The following PDCD11 variants were observed in gnomAD, a reference collection of about 807,000 sequenced individuals.
PDCD11 encodes the protein programmed cell death 11.
In PDCD11, 97 loss-of-function variants were observed where a neutral mutation model predicts 198.9. That is an observed-to-expected ratio of 0.49 (90% CI 0.41 to 0.58). PDCD11 has a LOEUF of 0.58. Among genes scored for constraint, PDCD11 ranks in the 20% least tolerant of loss-of-function variants. PDCD11 has a pLI of 0.00. For missense variants in PDCD11, 2,102 were observed against 2,312.7 expected (o/e 0.91, Z 1.87); for synonymous variants, 893 against 918.0 (o/e 0.97, Z 0.49).
In PDCD11 at chr10:103,421,560, C is replaced by T; in HGVS notation, c.2490C>T (p.Ser830=). 6.5e-7 allele frequency: 1 copy of T among 1,548,708 alleles called. No individual in the cohort carries two copies. The change falls in exon 17 of 36, where the codon AGC becomes AGT. Residue 830 remains serine (S), a synonymous_variant. Transcript: ENST00000369797. ...TGCAGGGCGTGCGCAGCCTTATGAG[C>T]AACCGAGGTGGGGCACCTGTGGGGC... ...EELQGVRSLM[S]NRDSVLIQTL...
intron 16 of PDCD11, 148 bp from the exon 17 acceptor site, chr10:103,421,200 G>C (rs1358696085): frequency 1.6e-6 from 1 of 621,196 alleles, no homozygotes; most frequent in East Asian, 2.8e-5. Flanking sequence ...TTTTATGGAA[G>C]GGAAGTAGAG....
In PDCD11 at chr10:103,436,032, T is replaced by C. The variant is rs1592138751; in HGVS notation, c.3845+1057T>C. On this transcript the variant is annotated intron_variant, in intron 25 of 35. Coordinates refer to ENST00000369797, the MANE Select transcript of PDCD11 (RefSeq NM_014976.2). Reference sequence around the variant, plus strand: ...AAAAATTGGTCTCTTGTTTTTTTCTTTTTTTTTTTTTTTGAGATAGAGTCT... The same window carrying C: ...AAAAATTGGTCTCTTGTTTTTTTCTCTTTTTTTTTTTTTGAGATAGAGTCT... Among the ~76,000 whole-genome samples, 3 of 139,954 alleles carry C rather than the reference T, an allele frequency of 2.1e-5. No individual in the cohort carries two copies. In the East Asian group the frequency reaches 6.5e-4, roughly 30 times the overall value. The allele number at this position is 139,954 out of a possible 152,430, so 91.8% of individuals were successfully genotyped here. A position where few individuals can be genotyped will look rare whatever the true frequency, so the allele number is the denominator to read the frequency against.
At chr10:103,444,744 C>T in intron 35 of PDCD11, 62 bp downstream of exon 35, 1 of 1,472,008 alleles carries the variant, frequency 6.8e-7, no homozygotes, top group Non-Finnish European at 9.5e-7. Context: ...GCACTGGTCC[C>T]ACAGCAGCTC....
chr10:103,397,694 G>A (rs1364086893), intron 1 of PDCD11, among the ~76,000 whole-genome samples: 2 of 152,192 alleles, frequency 1.3e-5, no homozygotes, highest in African/African-American at 4.8e-5. Context: ...TCGGGCTCCC[G>A]AAGTGCTGGC....
At chr10:103,400,857 T>C (rs1208908175) in intron 3 of PDCD11, among the ~76,000 whole-genome samples, 1 of 152,092 alleles carries the variant, frequency 6.6e-6, no homozygotes, top group East Asian at 1.9e-4. Context: ...TCAAGCAATC[T>C]TCCTGCCTCA....
intron 4 of PDCD11, among the ~76,000 whole-genome samples, chr10:103,404,022 TC>T (rs1244131359): frequency 2.6e-4 from 40 of 152,332 alleles, no homozygotes; most frequent in African/African-American, 9.4e-4. Flanking sequence ...AGAGTCTCAC[TC>T]TGTTGCCCAG....
At chr10:103,409,842 G>T (rs542160878) in intron 8 of PDCD11, 36 bp downstream of exon 8, 1 of 1,500,274 alleles carries the variant, frequency 6.7e-7, no homozygotes, top group Admixed American at 1.7e-5. Flanking sequence ...CTTGATTCCA[G>T]TTGTGGTCCA....
chr10:103,445,851 C>G lies in PDCD11; in HGVS notation c.*302C>G. ...AGGGTCCCTCTTCCAGGGGAGTTCC[C>G]TGGGGAGCAAGAGTAGAGGGGCTAT... On this transcript the variant is annotated 3_prime_UTR_variant, in exon 36 of 36. Coordinates refer to ENST00000369797, the MANE Select transcript of PDCD11 (RefSeq NM_014976.2). 3.1e-6 allele frequency: 1 copy of G among 319,440 alleles called. No individual in the cohort carries two copies. The highest frequency in any genetic ancestry group is 4.2e-5 in the South Asian group (1 of 23,856). The allele number at this position is 319,440 out of a possible 1,614,324, so 19.8% of individuals were successfully genotyped here.
rs780368056 is a variant in PDCD11 at position 103,445,507 on chromosome 10, C to T, written c.5574C>T (p.Ala1858=). ...EKDVQAVKAK[A]LEYVEAKSSV... ...ATGTGCAGGCAGTCAAGGCCAAGGCCCTGGAGTATGTGGAGGCCAAGAGCT... is the reference window on the plus strand; with the variant it reads ...ATGTGCAGGCAGTCAAGGCCAAGGCTCTGGAGTATGTGGAGGCCAAGAGCT... The change falls in exon 36 of 36, where the codon GCC becomes GCT. Residue 1858 remains alanine, a synonymous_variant. Coordinates refer to ENST00000369797, the MANE Select transcript of PDCD11 (RefSeq NM_014976.2). 2 of 1,614,022 alleles carry T rather than the reference C, an allele frequency of 1.2e-6. No homozygotes were observed. The highest frequency in any genetic ancestry group is 1.7e-6 in the Non-Finnish European group (2 of 1,180,036).
In PDCD11 at chr10:103,440,396, G is replaced by C. The variant is rs1564778190; in HGVS notation, c.4255G>C (p.Glu1419Gln). 2.5e-6 allele frequency: 4 copies of C among 1,614,104 alleles called. No homozygotes were observed. Among genetic ancestry groups the C allele is most frequent in the Non-Finnish European group, 1.7e-6 (2 of 1,180,044 alleles). The part of the protein sequence containing the change: ...SLEGQLTKQE[E>Q]RKTEAEERDQ... ...GGAAGGGCAACTTACAAAGCAAGAG[G>C]AGAGGAAAACAGAGGCTGAGGAGAG... The change falls in exon 29 of 36, where the codon GAG (glutamate) becomes CAG (glutamine). Residue 1419 changes from glutamate to glutamine, a missense_variant. By Grantham distance (29) the Glu-to-Gln change is conservative. Coordinates refer to ENST00000369797, the MANE Select transcript of PDCD11 (RefSeq NM_014976.2).
intron 34 of PDCD11, 135 bp downstream of exon 34, chr10:103,444,203 C>A: frequency 1.4e-6 from 1 of 735,980 alleles, no homozygotes; most frequent in Non-Finnish European, 2.2e-6. Flanking sequence ...GATTCTCTGC[C>A]CCTCAGCATA....
At chr10:103,419,893 G>A (rs554722692) in intron 16 of PDCD11, among the ~76,000 whole-genome samples, 185 bp downstream of exon 16, 21 of 150,540 alleles carry the variant, frequency 1.4e-4, no homozygotes, top group South Asian at 4.2e-4. Flanking sequence ...GGGCTCAAGC[G>A]ATTTTCCTGC....
intron 33 of PDCD11, 121 bp from the exon 34 acceptor site, chr10:103,443,794 C>G (rs1481453245): frequency 1.0e-6 from 1 of 965,154 alleles, no homozygotes; most frequent in Non-Finnish European, 1.6e-6. Flanking sequence ...TAGCATTAGG[C>G]CCTGAGAGTG....
intron 5 of PDCD11, chr10:103,405,426 C>G: frequency 3.1e-6 from 1 of 323,468 alleles, no homozygotes. Context: ...TTTTTTGAGT[C>G]GGAGTTTCGC....
Position 103,414,996 on chromosome 10 carries a change from A to T in PDCD11, c.1372-9A>T. On this transcript the variant is annotated splice_polypyrimidine_tract_variant and intron_variant, in intron 11 of 35. Coordinates refer to ENST00000369797, the MANE Select transcript of PDCD11 (RefSeq NM_014976.2). ...AGACATTGTGGCAGCTTATCTTTGG[A>T]TTCTCTAGGGCACAGTGCTAACCAT... 1 of 1,613,484 alleles carries T rather than the reference A, an allele frequency of 6.2e-7. No individual in the cohort carries two copies. Among genetic ancestry groups the T allele is most frequent in the Non-Finnish European group, 8.5e-7 (1 of 1,179,580 alleles).
intron 3 of PDCD11, among the ~76,000 whole-genome samples, chr10:103,402,650 G>C (rs1020036560): frequency 1.2e-4 from 18 of 151,994 alleles, no homozygotes; most frequent in African/African-American, 4.1e-4. Flanking sequence ...TGTTGGCCAG[G>C]CTGCTCTCGA....
At chr10:103,415,921 A>G (rs1332797145) in intron 12 of PDCD11, among the ~76,000 whole-genome samples, 2 of 152,214 alleles carry the variant, frequency 1.3e-5, no homozygotes, top group Non-Finnish European at 2.9e-5. Flanking sequence ...GGCACTCAGC[A>G]TGTTAGATTT....
At chr10:103,409,566 T>G in intron 7 of PDCD11, 133 bp from the exon 8 acceptor site, 1 of 635,810 alleles carries the variant, frequency 1.6e-6, no homozygotes, top group Non-Finnish European at 2.8e-6. Flanking sequence ...GAAAAGATTG[T>G]TAAGAGTTAC....
chr10:103,416,828 T>C (rs2031137894), intron 13 of PDCD11, 86 bp downstream of exon 13: 1 of 1,467,056 alleles, frequency 6.8e-7, no homozygotes, highest in African/African-American at 1.4e-5. Flanking sequence ...TGGGGCTGCC[T>C]TTAGGAGGCT....
Sources: gnomAD v4.1 joint callset for allele counts (sites outside exome capture counted in the v4.1 genomes callset) on GRCh38, gnomAD v4.1.1 for gene constraint, MANE v1.5 for transcripts, NCBI Gene and HGNC (gene_info 2026-07-23, HGNC 2026-07-21) for gene names.